ZNF613: variants seen among roughly 807,000 people sequenced by gnomAD.
The protein encoded by ZNF613 is zinc finger protein 613.
ZNF613 carries 8 observed loss-of-function variants against 14.3 expected under a neutral mutation model. The ratio of observed to expected loss-of-function variants is 0.56; its 90% CI spans 0.33 to 1.01. The LOEUF (loss-of-function observed/expected upper bound fraction) is 1.01. ZNF613 is among the 50% of genes least tolerant of loss of function. The probability of loss-of-function intolerance (pLI) is 0.03; values close to 1 mark genes in which losing one functional copy is unlikely to be tolerated. For missense variants in ZNF613, 656 were observed against 741.9 expected, an observed-to-expected ratio of 0.88 and a Z score of 1.35; for synonymous variants, 228 against 254.5, an observed-to-expected ratio of 0.90 and a Z score of 0.99.
chr19:51,934,202 T>G (rs2122810465), intron 2 of ZNF613, among the ~76,000 whole-genome samples: 1 of 152,352 alleles, frequency 6.6e-6, no homozygotes, highest in South Asian at 2.1e-4. Context: ...TGTTTTTACT[T>G]GATTTTTTGA....
At chr19:51,935,112 T>C (rs1314163255) in intron 2 of ZNF613, among the ~76,000 whole-genome samples, 3 of 152,250 alleles carry the variant, frequency 2.0e-5, no homozygotes, top group East Asian at 3.9e-4. Context: ...CTCCATCCAG[T>C]TGATGCTCTC....
At chr19:51,940,965 C>T (rs1196251970) in intron 5 of ZNF613, among the ~76,000 whole-genome samples, 7 of 152,072 alleles carry the variant, frequency 4.6e-5, no homozygotes, top group Non-Finnish European at 1.0e-4. Context: ...GAGTCTCACT[C>T]TGTCACCCAG....
At position 51,927,498 on chromosome 19, in the gene ZNF613, G is replaced by T. The variant is rs944197436; in HGVS notation, c.-401G>T. On this transcript the variant is annotated 5_prime_UTR_variant, in exon 1 of 6. Coordinates refer to ENST00000293471, the MANE Select transcript of ZNF613 (RefSeq NM_001031721.4). ...CCCAGAAGTGGAATAATTCAGGAAA[G>T]TGCAGGTTCTGGGAAGTCTCGGTGG... The T allele has an allele frequency of 6.6e-6, 1 of 152,214 alleles. No homozygotes were observed. The highest frequency in any genetic ancestry group is 1.5e-5 in the Non-Finnish European group (1 of 68,240). The allele number at this position is 152,214 out of a possible 1,614,324, so 9.4% of individuals were successfully genotyped here.
intron 1 of ZNF613, among the ~76,000 whole-genome samples, chr19:51,928,342 C>G (rs113492659): frequency 6.6e-6 from 1 of 152,290 alleles, no homozygotes; most frequent in Admixed American, 6.5e-5. Context: ...TTAGGGAGGT[C>G]TAGATGTGAC....
intron 1 of ZNF613, chr19:51,927,914 A>G (rs1375050640): frequency 2.0e-5 from 3 of 152,010 alleles, no homozygotes; most frequent in Non-Finnish European, 2.9e-5. Flanking sequence ...CAGTGGCGCA[A>G]TCGTGGCTCA....
At position 51,940,256 on chromosome 19, in the gene ZNF613, G is replaced by T. The variant is rs778344288; in HGVS notation, c.63G>T (p.Glu21Asp). 6.2e-7 allele frequency: 1 copy of T among 1,613,866 alleles called. No homozygotes were observed. Residue 21 changes from glutamate (E) to aspartate (D), a missense_variant, in exon 4 of 6, where the codon GAG becomes GAT. Transcript: ENST00000293471. Reference sequence around the variant, plus strand: ...TGGCTGTGGAGTTCACTTGGGAGGAGTGGCAGCTCCTCGGCCCTGCTCAGA... The same window carrying T: ...TGGCTGTGGAGTTCACTTGGGAGGATTGGCAGCTCCTCGGCCCTGCTCAGA... The part of the protein sequence containing the change: ...EDVAVEFTWE[E>D]WQLLGPAQKD...
intron 5 of ZNF613, 69 bp downstream of exon 5, chr19:51,940,778 C>T: frequency 7.4e-7 from 1 of 1,350,308 alleles, no homozygotes; most frequent in Non-Finnish European, 1.0e-6. Flanking sequence ...TCAGCAGTGT[C>T]TGAGCTGTCA....
rs1599905166 is a variant in ZNF613 at position 51,936,161 on chromosome 19, C to G, written c.-60C>G. ...TTCTAGCCAGAAATTGAGGGCAGCTCAAGGAGAGACTACAGACACAGCATC... is the reference window on the plus strand; with the variant it reads ...TTCTAGCCAGAAATTGAGGGCAGCTGAAGGAGAGACTACAGACACAGCATC... On this transcript the variant is annotated 5_prime_UTR_variant, in exon 3 of 6. Coordinates refer to ENST00000293471, the MANE Select transcript of ZNF613 (RefSeq NM_001031721.4). 2 of 1,556,476 alleles carry G rather than the reference C, an allele frequency of 1.3e-6. No individual in the cohort carries two copies. Among genetic ancestry groups the G allele is most frequent in the Non-Finnish European group, 1.7e-6 (2 of 1,147,926 alleles).
In ZNF613 at chr19:51,940,529, A is replaced by G. The variant is rs959926528; in HGVS notation, c.143-88A>G. The G allele has an allele frequency of 8.0e-6, 12 of 1,494,648 alleles. No individual in the cohort carries two copies. In the Admixed American group the frequency reaches 1.7e-4, roughly 22 times the overall value. 92.6% of individuals were successfully genotyped at this position (1,494,648 alleles called of 1,614,324 possible). ...TTTGCTTTGCAGACACATAAATTAC[A>G]TAGTTCCTAAAACAGAACATGGTCC... On this transcript the variant is annotated intron_variant, in intron 4 of 5. Coordinates refer to ENST00000293471, the MANE Select transcript of ZNF613 (RefSeq NM_001031721.4).
In ZNF613 at chr19:51,944,618, C is replaced by G; in HGVS notation, c.735C>G (p.Ser245=). The G allele has an allele frequency of 6.2e-7, 1 of 1,614,096 alleles. No individual in the cohort carries two copies. Among genetic ancestry groups the G allele is most frequent in the African/African-American group, 1.3e-5 (1 of 75,014 alleles). The change falls in exon 6 of 6, where the codon TCC becomes TCG. Residue 245 remains serine (S), a synonymous_variant. Transcript: ENST00000293471. ...SICGKAFSRK[S]GLTEHQRNHT... ...GTGGGAAAGCCTTCTCCAGAAAGTCCGGGCTCACTGAACACCAGAGAAACC... is the reference window on the plus strand; with the variant it reads ...GTGGGAAAGCCTTCTCCAGAAAGTCGGGGCTCACTGAACACCAGAGAAACC...
In ZNF613 at chr19:51,945,106, G is replaced by C. The variant is rs570703780; in HGVS notation, c.1223G>C (p.Gly408Ala). 2.4e-5 allele frequency: 39 copies of C among 1,614,110 alleles called. No individual in the cohort carries two copies. The East Asian group carries it at 4.7e-4, about 19-fold the overall frequency. The part of the protein sequence containing the change: ...KPYICNECGK[G>A]FIQKGNLLIH... ...TATATATGCAATGAATGTGGAAAAG[G>C]CTTCATCCAAAAGGGCAACCTCCTT... Residue 408 changes from glycine (G) to alanine (A), a missense_variant, in exon 6 of 6, where the codon GGC becomes GCC. Transcript: ENST00000293471.
intron 3 of ZNF613, among the ~76,000 whole-genome samples, chr19:51,937,636 G>A (rs1350754042): frequency 2.6e-5 from 4 of 151,960 alleles, no homozygotes; most frequent in Non-Finnish European, 5.9e-5. Flanking sequence ...ACCAGTTCCC[G>A]AGAGGTGTCA....
chr19:51,941,079 G>A (rs1599908835), intron 5 of ZNF613, among the ~76,000 whole-genome samples: 1 of 151,960 alleles, frequency 6.6e-6, no homozygotes, highest in East Asian at 1.9e-4. Flanking sequence ...ACAGGCACCC[G>A]CCACTACGCC....
At chr19:51,938,725 GATAT>G (rs113608259) in intron 3 of ZNF613, among the ~76,000 whole-genome samples, 24 of 118,854 alleles carry the variant, frequency 2.0e-4, no homozygotes, top group African/African-American at 4.0e-4. Flanking sequence ...AATGTACATG[GATAT>G]ATATATATAT....
rs935963372 is a variant in ZNF613, at chr19:51,946,026, G to A, written c.*289G>A. 8 of 389,560 alleles carry A rather than the reference G, an allele frequency of 2.1e-5. No homozygotes were observed. Among genetic ancestry groups the A allele is most frequent in the African/African-American group, 6.2e-5 (3 of 48,576 alleles). The allele number at this position is 389,560 out of a possible 1,614,324, so 24.1% of individuals were successfully genotyped here. ...AAAAGTCCTTGTTCAGAAACAGTAC[G>A]CCAGTAGGTATCAGGGGGTTTACAC... On this transcript the variant is annotated 3_prime_UTR_variant, in exon 6 of 6. Transcript: ENST00000293471.
Position 51,940,239 on chromosome 19 carries a change from G to A in ZNF613, c.46G>A (p.Glu16Lys). 6.2e-7 allele frequency: 1 copy of A among 1,613,772 alleles called. No homozygotes were observed. Among genetic ancestry groups the A allele is most frequent in the Non-Finnish European group, 8.5e-7 (1 of 1,179,802 alleles). Residue 16 changes from glutamate (E) to lysine (K), a missense_variant, in exon 4 of 6, where the codon GAG (glutamate) becomes AAG (lysine). Coordinates refer to ENST00000293471, the MANE Select transcript of ZNF613 (RefSeq NM_001031721.4). ...ACTGACCCTGGAGGATGTGGCTGTGGAGTTCACTTGGGAGGAGTGGCAGCT... is the reference window on the plus strand; with the variant it reads ...ACTGACCCTGGAGGATGTGGCTGTGAAGTTCACTTGGGAGGAGTGGCAGCT... Reference protein sequence around the residue: ...ESLTLEDVAVEFTWEEWQLLG... With the variant: ...ESLTLEDVAVKFTWEEWQLLG...
Position 51,945,865 on chromosome 19 carries a change from A to C in ZNF613, c.*128A>C. ...GCCCTTGAATAAAACCTTATGGCTA[A>C]TAAGCATATACTCAGAGAAAAATAG... On this transcript the variant is annotated 3_prime_UTR_variant, in exon 6 of 6. Transcript: ENST00000293471. 1.0e-6 allele frequency: 1 copy of C among 985,640 alleles called. No individual in the cohort carries two copies. The highest frequency in any genetic ancestry group is 1.5e-6 in the Non-Finnish European group (1 of 669,572). The allele number at this position is 985,640 out of a possible 1,614,324, so 61.1% of individuals were successfully genotyped here.
At position 51,944,349 on chromosome 19, in the gene ZNF613, G is replaced by C. The variant is rs773316412; in HGVS notation, c.466G>C (p.Gly156Arg). The C allele has an allele frequency of 6.3e-7, 1 of 1,593,706 alleles. No homozygotes were observed. The highest frequency in any genetic ancestry group is 1.7e-5 in the Admixed American group (1 of 58,274). ...AAGGTATGAAATCAAGAATTCTGTG[G>C]GGGTTAATGGAGATGGGAAATCCTT... is the stretch of plus-strand genomic sequence containing the variant. The part of the protein sequence containing the change: ...NKRYEIKNSV[G>R]VNGDGKSFLH... Residue 156 changes from glycine (G) to arginine (R), a missense_variant, in exon 6 of 6, where the codon GGG (glycine) becomes CGG (arginine). By Grantham distance (125) the Gly-to-Arg change is moderately radical (BLOSUM62 -2). Coordinates refer to ENST00000293471, the MANE Select transcript of ZNF613 (RefSeq NM_001031721.4).
At chr19:51,932,624 A>G (rs2085275453) in intron 2 of ZNF613, among the ~76,000 whole-genome samples, 2 of 150,958 alleles carry the variant, frequency 1.3e-5, no homozygotes, top group South Asian at 4.2e-4. Flanking sequence ...CATTTACCTA[A>G]TCTGGGTATT....
Sources: allele counts gnomAD v4.1 joint callset (sites outside exome capture counted in the v4.1 genomes callset), GRCh38; gene constraint gnomAD v4.1.1; transcripts MANE v1.5; gene names NCBI Gene and HGNC (gene_info 2026-07-23, HGNC 2026-07-21).